LRP10: variants seen among roughly 807,000 people sequenced by gnomAD.
The protein encoded by LRP10 is LDL receptor related protein 10, also known as low-density lipoprotein receptor-related protein 10.
A neutral mutation model predicts 58.5 loss-of-function variants in LRP10; 42 were observed. The observed-to-expected ratio is 0.72, with a 90% CI of 0.56 to 0.93. The LOEUF (loss-of-function observed/expected upper bound fraction) is 0.93. Ranked by LOEUF, LRP10 falls within the 40% of genes least tolerant of loss-of-function variation. The pLI is 0.00. For missense variants in LRP10, 872 were observed against 940.1 expected (o/e 0.93, Z 0.95); for synonymous variants, 377 against 388.5 (o/e 0.97, Z 0.35).
In LRP10 at chr14:22,877,048, C is replaced by T. The variant is rs1280034754; in HGVS notation, c.1663C>T (p.Arg555Cys). ...TCGTCAGCGGGGCCGCTTGATGCGA[C>T]GCCTGGTACGCCGTCTCCGCCGCTG... Reference protein sequence around the residue: ...RRRQRGRLMRRLVRRLRRWGL... With the variant: ...RRRQRGRLMRCLVRRLRRWGL... Residue 555 changes from arginine (R) to cysteine (C), a missense_variant, in exon 7 of 7, where the codon CGC (arginine) becomes TGC (cysteine). Coordinates refer to ENST00000359591, the MANE Select transcript of LRP10 (RefSeq NM_014045.5). The surrounding 1 kb of genome is among the most constrained non-coding windows in gnomAD (Gnocchi z 5.1). 1.2e-6 allele frequency: 2 copies of T among 1,613,700 alleles called. No homozygotes were observed. The highest frequency in any genetic ancestry group is 1.7e-4 in the Middle Eastern group (1 of 6,056).
chr14:22,879,235 G>A lies in LRP10; in HGVS notation c.*1708G>A. On this transcript the variant is annotated 3_prime_UTR_variant, in exon 7 of 7. Transcript: ENST00000359591. ...CTGAGGAAGTAGCAGAGAGGGGTGT[G>A]GGCCCATGTGCAGTTCTGGGACCCT... 1 of 456,594 alleles carries A rather than the reference G, an allele frequency of 2.2e-6. No homozygotes were observed. The highest frequency in any genetic ancestry group is 1.5e-5 in the South Asian group (1 of 64,570). 28.3% of individuals were successfully genotyped at this position (456,594 alleles called of 1,614,324 possible).
intron 5 of LRP10, 111 bp downstream of exon 5, chr14:22,876,483 C>G: frequency 1.4e-6 from 2 of 1,400,436 alleles, no homozygotes; most frequent in Non-Finnish European, 2.0e-6. Flanking sequence ...CTCCCATGAT[C>G]AGCTTGTCAG....
Position 22,881,028 on chromosome 14 carries a change from G to C in LRP10, c.*3501G>C, listed in dbSNP as rs917006390. ...ATCTCAAAAAAAAAAGTGAGTGCCC[G>C]ATGATGCCAGATTCTTCATCACCTG... is the stretch of plus-strand genomic sequence containing the variant. On this transcript the variant is annotated 3_prime_UTR_variant, in exon 7 of 7. Coordinates refer to ENST00000359591, the MANE Select transcript of LRP10 (RefSeq NM_014045.5). 6.6e-6 allele frequency: 1 copy of C among 152,100 alleles called. No individual in the cohort carries two copies. Among genetic ancestry groups the C allele is most frequent in the Admixed American group, 6.5e-5 (1 of 15,270 alleles). The allele number at this position is 152,100 out of a possible 1,614,324, so 9.4% of individuals were successfully genotyped here.
chr14:22,874,536 G>A (rs888204412), intron 3 of LRP10, among the ~76,000 whole-genome samples: 2 of 152,118 alleles, frequency 1.3e-5, no homozygotes, highest in African/African-American at 4.8e-5. Flanking sequence ...GTCTCATGGC[G>A]ATACCATGAG....
rs2040000183 is a variant in LRP10 at position 22,875,935 on chromosome 14, G to A, written c.987G>A (p.Glu329=). The A allele has an allele frequency of 1.2e-6, 2 of 1,613,774 alleles. No individual in the cohort carries two copies. Among genetic ancestry groups the A allele is most frequent in the African/African-American group, 2.7e-5 (2 of 75,072 alleles). The change falls in exon 5 of 7, where the codon GAG becomes GAA. Residue 329 remains glutamate, a synonymous_variant. Coordinates refer to ENST00000359591, the MANE Select transcript of LRP10 (RefSeq NM_014045.5). ...SGLGAGEGLG[E]RCYSEAQRCD... Reference sequence around the variant, plus strand: ...TGGGAGCTGGCGAAGGCCTAGGTGAGCGCTGCTACAGTGAGGCACAGCGCT... The same window carrying A: ...TGGGAGCTGGCGAAGGCCTAGGTGAACGCTGCTACAGTGAGGCACAGCGCT...
chr14:22,881,223 A>G lies in LRP10; in HGVS notation c.*3696A>G, dbSNP rs1399024679. On this transcript the variant is annotated 3_prime_UTR_variant, in exon 7 of 7. Coordinates refer to ENST00000359591, the MANE Select transcript of LRP10 (RefSeq NM_014045.5). ...CACCCTTGTCCCACCATTCCATGGGACCTCCCATTCCTGAGGGAGCCTGGA... is the reference window on the plus strand; with the variant it reads ...CACCCTTGTCCCACCATTCCATGGGGCCTCCCATTCCTGAGGGAGCCTGGA... 2 of 152,006 alleles carry G rather than the reference A, an allele frequency of 1.3e-5. No individual in the cohort carries two copies. Among genetic ancestry groups the G allele is most frequent in the African/African-American group, 2.4e-5 (1 of 41,372 alleles). The allele number at this position is 152,006 out of a possible 1,614,324, so 9.4% of individuals were successfully genotyped here.
In LRP10 at chr14:22,871,792, G is replaced by A; in HGVS notation, c.-512G>A. ...GCGGGCGGGGGTACCGCCTGGGCAA[G>A]GGCCGGGGCGCCGGGCCGAGCCACC... On this transcript the variant is annotated 5_prime_UTR_variant, in exon 1 of 7. Coordinates refer to ENST00000359591, the MANE Select transcript of LRP10 (RefSeq NM_014045.5). The A allele has an allele frequency of 5.6e-6, 1 of 180,092 alleles. No individual in the cohort carries two copies. The highest frequency in any genetic ancestry group is 8.7e-5 in the South Asian group (1 of 11,436). The allele number at this position is 180,092 out of a possible 1,614,324, so 11.2% of individuals were successfully genotyped here. A position where few individuals can be genotyped will look rare whatever the true frequency, so the allele number is the denominator to read the frequency against.
At position 22,877,407 on chromosome 14, in the gene LRP10, C is replaced by T. The variant is rs756152925; in HGVS notation, c.2022C>T (p.Ser674=). The T allele has an allele frequency of 1.2e-6, 2 of 1,613,640 alleles. No individual in the cohort carries two copies. The highest frequency in any genetic ancestry group is 2.2e-5 in the East Asian group (1 of 44,882). ...TGGGGCCCCCAGGACCAACCCGGAG[C>T]CCCCCTGGACCCCACACAGCAGTCC... ...PSLGPPGPTR[S]PPGPHTAVLA... The change falls in exon 7 of 7, where the codon AGC becomes AGT. Residue 674 remains serine, a synonymous_variant. Coordinates refer to ENST00000359591, the MANE Select transcript of LRP10 (RefSeq NM_014045.5). The surrounding 1 kb of genome is among the most constrained non-coding windows in gnomAD (Gnocchi z 5.1).
Position 22,880,204 on chromosome 14 carries a change from G to C in LRP10, c.*2677G>C, listed in dbSNP as rs2040047920. 1 of 152,108 alleles carries C rather than the reference G, an allele frequency of 6.6e-6. No homozygotes were observed. Among genetic ancestry groups the C allele is most frequent in the Admixed American group, 6.6e-5 (1 of 15,260 alleles). 9.4% of individuals were successfully genotyped at this position (152,108 alleles called of 1,614,324 possible). Reference sequence around the variant, plus strand: ...AGCCTGAGCAACACGGTGAAACCCTGTCTCTACTAAAATACAAAAAAGTAG... The same window carrying C: ...AGCCTGAGCAACACGGTGAAACCCTCTCTCTACTAAAATACAAAAAAGTAG... On this transcript the variant is annotated 3_prime_UTR_variant, in exon 7 of 7. Transcript: ENST00000359591.
In LRP10 at chr14:22,879,251, C is replaced by A. The variant is rs2040038416; in HGVS notation, c.*1724C>A. ...GAGGGGTGTGGGCCCATGTGCAGTT[C>A]TGGGACCCTGGCACCTTGGCTCAGG... On this transcript the variant is annotated 3_prime_UTR_variant, in exon 7 of 7. Transcript: ENST00000359591. 3 of 456,042 alleles carry A rather than the reference C, an allele frequency of 6.6e-6. No individual in the cohort carries two copies. Among genetic ancestry groups the A allele is most frequent in the Non-Finnish European group, 1.3e-5 (3 of 226,558 alleles). The allele number at this position is 456,042 out of a possible 1,614,324, so 28.2% of individuals were successfully genotyped here.
At position 22,876,715 on chromosome 14, in the gene LRP10, A is replaced by G; in HGVS notation, c.1451A>G (p.Glu484Gly). 6.2e-7 allele frequency: 1 copy of G among 1,613,890 alleles called. No individual in the cohort carries two copies. Among genetic ancestry groups the G allele is most frequent in the Non-Finnish European group, 8.5e-7 (1 of 1,179,866 alleles). The change falls in exon 6 of 7, where the codon GAG becomes GGG. Residue 484 changes from glutamate to glycine, a missense_variant. Glu to Gly is a moderately conservative substitution (Grantham distance 98). Coordinates refer to ENST00000359591, the MANE Select transcript of LRP10 (RefSeq NM_014045.5). ...YSIFAPLSRM[E>G]AEIVQQQAPP... The stretch of plus-strand genomic sequence containing the variant: ...ATCTTTGCCCCCCTCTCCCGGATGG[A>G]GGCTGAGATTGTGCAGCAGCAGGCA...
chr14:22,875,666 G>A lies in LRP10; in HGVS notation c.718G>A (p.Asp240Asn), dbSNP rs774879066. The A allele has an allele frequency of 3.1e-6, 5 of 1,614,184 alleles. No individual in the cohort carries two copies. The South Asian group carries it at 5.5e-5, about 18-fold the overall frequency. Residue 240 changes from aspartate to asparagine, a missense_variant, in exon 5 of 7, where the codon GAC becomes AAC. Coordinates refer to ENST00000359591, the MANE Select transcript of LRP10 (RefSeq NM_014045.5). ...RRLAVRFTAL[D>N]LGFGDAVHVY... The stretch of plus-strand genomic sequence containing the variant: ...GCTGGCCGTGCGCTTCACAGCCCTG[G>A]ACTTGGGCTTTGGAGATGCAGTGCA...
chr14:22,877,834 G>A lies in LRP10; in HGVS notation c.*307G>A. ...TTTTTAAAAAGTAAAGTTCTTAGAG[G>A]ATCATAGGTCTGGACACTCCATCCT... On this transcript the variant is annotated 3_prime_UTR_variant, in exon 7 of 7. Coordinates refer to ENST00000359591, the MANE Select transcript of LRP10 (RefSeq NM_014045.5). The surrounding 1 kb of genome is among the most constrained non-coding windows in gnomAD (Gnocchi z 5.1). 1 of 264,766 alleles carries A rather than the reference G, an allele frequency of 3.8e-6. No individual in the cohort carries two copies. The highest frequency in any genetic ancestry group is 7.1e-6 in the Non-Finnish European group (1 of 140,994). 16.4% of individuals were successfully genotyped at this position (264,766 alleles called of 1,614,324 possible). A position where few individuals can be genotyped will look rare whatever the true frequency, so the allele number is the denominator to read the frequency against.
At chr14:22,876,541 G>C (rs2040008275) in intron 5 of LRP10, 148 bp from the exon 6 acceptor site, 1 of 1,320,422 alleles carries the variant, frequency 7.6e-7, no homozygotes, top group African/African-American at 1.5e-5. Flanking sequence ...AGTTTCAAGG[G>C]AGGAGGGACC....
Position 22,872,083 on chromosome 14 carries a change from A to G in LRP10, c.-221A>G. The stretch of plus-strand genomic sequence containing the variant: ...GAGAAGAGTGCGGCGGCGGACGGAG[A>G]AAACAACTCCAAAGTTGGCGAAAGG... On this transcript the variant is annotated 5_prime_UTR_variant, in exon 1 of 7. Coordinates refer to ENST00000359591, the MANE Select transcript of LRP10 (RefSeq NM_014045.5). 2 of 594,724 alleles carry G rather than the reference A, an allele frequency of 3.4e-6. No homozygotes were observed. Among genetic ancestry groups the G allele is most frequent in the Non-Finnish European group, 6.0e-6 (2 of 334,420 alleles). 36.8% of individuals were successfully genotyped at this position (594,724 alleles called of 1,614,324 possible).
chr14:22,877,205 G>A lies in LRP10; in HGVS notation c.1820G>A (p.Gly607Glu). ...GPAREGGAVG[G>E]QDGEQAPPLP... Reference sequence around the variant, plus strand: ...GCCCGTGAGGGCGGGGCAGTGGGTGGGCAAGATGGGGAGCAGGCACCCCCA... The same window carrying A: ...GCCCGTGAGGGCGGGGCAGTGGGTGAGCAAGATGGGGAGCAGGCACCCCCA... The change falls in exon 7 of 7, where the codon GGG (glycine) becomes GAG (glutamate). Residue 607 changes from glycine (G) to glutamate (E), a missense_variant. Physicochemically the swap from Gly to Glu is moderately conservative, Grantham distance 98. Transcript: ENST00000359591. This position sits in a 1 kb window ranked among gnomAD's most constrained non-coding sequence, Gnocchi z 5.1. 6.3e-7 allele frequency: 1 copy of A among 1,599,638 alleles called. No individual in the cohort carries two copies. Among genetic ancestry groups the A allele is most frequent in the Non-Finnish European group, 8.5e-7 (1 of 1,173,456 alleles).
intron 3 of LRP10, 69 bp downstream of exon 3, chr14:22,873,515 A>C (rs1595028248): frequency 1.3e-6 from 2 of 1,507,216 alleles, no homozygotes; most frequent in Non-Finnish European, 1.8e-6. Flanking sequence ...GGAAGTCTTC[A>C]GGGATCACTT....
Position 22,880,074 on chromosome 14 carries a change from G to A in LRP10, c.*2547G>A, listed in dbSNP as rs1011710400. On this transcript the variant is annotated 3_prime_UTR_variant, in exon 7 of 7. Coordinates refer to ENST00000359591, the MANE Select transcript of LRP10 (RefSeq NM_014045.5). ...CTGTGAATCAGAGTCTAGAGCCTAA[G>A]ATAAAAGAAGATACCAGGGCTGGGC... is the stretch of plus-strand genomic sequence containing the variant. 1 of 152,236 alleles carries A rather than the reference G, an allele frequency of 6.6e-6. No individual in the cohort carries two copies. The highest frequency in any genetic ancestry group is 1.5e-5 in the Non-Finnish European group (1 of 68,060). The allele number at this position is 152,236 out of a possible 1,614,324, so 9.4% of individuals were successfully genotyped here.
In LRP10 at chr14:22,872,317, C is replaced by CCCTCCT. The variant is rs745355268; in HGVS notation, c.27_32dup (p.Leu10_Leu11dup). 1 of 1,610,460 alleles carries CCCTCCT rather than the reference C, an allele frequency of 6.2e-7. No individual in the cohort carries two copies. The highest frequency in any genetic ancestry group is 1.1e-5 in the South Asian group (1 of 90,956). On this transcript the variant is annotated inframe_insertion, in exon 1 of 7. Transcript: ENST00000359591. ...GGACAGCCCAGGATGCTGTTGGCCA[C>CCCTCCT]CCTCCTCCTCCTCCTCCTTGGTAAG...
Sources: allele counts gnomAD v4.1 joint callset (sites outside exome capture counted in the v4.1 genomes callset), GRCh38; gene constraint gnomAD v4.1.1; non-coding constraint Gnocchi (gnomAD v3.1); transcripts MANE v1.5; gene names NCBI Gene and HGNC (gene_info 2026-07-23, HGNC 2026-07-21).